The following GIGYF2 variants were observed in gnomAD, a reference collection of about 807,000 sequenced individuals.
The protein encoded by GIGYF2 is GRB10 interacting GYF protein 2.
GIGYF2 carries 25 observed loss-of-function variants against 208.1 expected under a neutral mutation model. That is an observed-to-expected ratio of 0.12 (90% CI 0.09 to 0.17). GIGYF2 has a LOEUF of 0.17. Among genes scored for constraint, GIGYF2 ranks in the 10% least tolerant of loss-of-function variants. The pLI is 1.00. For synonymous variants in GIGYF2, 534 were observed against 543.8 expected, an observed-to-expected ratio of 0.98 and a Z score of 0.25; for missense variants, 1,302 against 1,579.4, an observed-to-expected ratio of 0.82 and a Z score of 2.98.
chr2:232,791,686 T>G (rs1485909263), intron 12 of GIGYF2, among the ~76,000 whole-genome samples: 1 of 152,176 alleles, frequency 6.6e-6, no homozygotes, highest in Non-Finnish European at 1.5e-5. Context: ...TGTCCTAAGG[T>G]GTTATGACAT....
intron 2 of GIGYF2, among the ~76,000 whole-genome samples, chr2:232,717,990 TC>T (rs1696766622): frequency 5.3e-5 from 8 of 152,070 alleles, no homozygotes; most frequent in Non-Finnish European, 8.8e-5. Context: ...ATAAAAGGAA[TC>T]ATACAGTATA....
At position 232,839,767 on chromosome 2, in the gene GIGYF2, TG is replaced by T. The variant is rs1701760647; in HGVS notation, c.2767-79del. The T allele has an allele frequency of 1.2e-5, 16 of 1,357,782 alleles. 1 individual carries two copies. In the South Asian group the frequency reaches 1.8e-4, roughly 15 times the overall value. The allele number at this position is 1,357,782 out of a possible 1,614,324, so 84.1% of individuals were successfully genotyped here. A position where few individuals can be genotyped will look rare whatever the true frequency, so the allele number is the denominator to read the frequency against. ...GGAGTTGAGAGAAATGCATTTGTTC[TG>T]GGTATACATAATGCATTATTGCTTC... On this transcript the variant is annotated intron_variant, in intron 22 of 28. Transcript: ENST00000373563.
intron 14 of GIGYF2, among the ~76,000 whole-genome samples, chr2:232,801,571 C>T (rs978310545): frequency 1.8e-4 from 27 of 152,144 alleles, no homozygotes; most frequent in African/African-American, 4.3e-4. Flanking sequence ...TTTTTAAATA[C>T]GCATACATAT....
chr2:232,787,508 T>C (rs1424219516), intron 9 of GIGYF2, among the ~76,000 whole-genome samples, 179 bp downstream of exon 9: 1 of 151,942 alleles, frequency 6.6e-6, no homozygotes, highest in Non-Finnish European at 1.5e-5. Flanking sequence ...CCTACATCTA[T>C]TCAGTTGATT....
At chr2:232,848,218 A>G (rs1702082535) in intron 27 of GIGYF2, among the ~76,000 whole-genome samples, 1 of 152,212 alleles carries the variant, frequency 6.6e-6, no homozygotes, top group Non-Finnish European at 1.5e-5. Context: ...TGAACTCACA[A>G]CTAATAGCAC....
intron 15 of GIGYF2, among the ~76,000 whole-genome samples, chr2:232,807,426 G>A (rs1211913786): frequency 1.3e-5 from 2 of 152,232 alleles, no homozygotes; most frequent in Admixed American, 6.5e-5. Context: ...CAGTGGCAGA[G>A]ATGGGATGAT....
chr2:232,833,011 T>C lies in GIGYF2; in HGVS notation c.2684T>C (p.Leu895Ser). ...CTGGAGGTCCAGCGGCAGAAGGAGT[T>C]AATGCGCCAGAGGCAGCAGCAGCAA... Reference protein sequence around the residue: ...KELEVQRQKELMRQRQQQQEA... With the variant: ...KELEVQRQKESMRQRQQQQEA... The change falls in exon 22 of 29, where the codon TTA becomes TCA. Residue 895 changes from leucine to serine, a missense_variant. Leu to Ser is a moderately radical substitution (Grantham distance 145). This residue lies in a region of GIGYF2 where 701 missense variants were observed against 793.0 expected (regional missense o/e 0.88). Coordinates refer to ENST00000373563, the MANE Select transcript of GIGYF2 (RefSeq NM_001103146.3). 6.4e-7 allele frequency: 1 copy of C among 1,570,660 alleles called. No homozygotes were observed. The highest frequency in any genetic ancestry group is 8.6e-7 in the Non-Finnish European group (1 of 1,157,654).
chr2:232,729,984 A>G, intron 2 of GIGYF2: 3 of 728,056 alleles, frequency 4.1e-6, no homozygotes, highest in Non-Finnish European at 7.6e-6. Flanking sequence ...AGCCTTCTTC[A>G]CTCCTGGAAG....
chr2:232,720,586 T>A (rs1374910389), intron 2 of GIGYF2, among the ~76,000 whole-genome samples: 2 of 148,384 alleles, frequency 1.3e-5, no homozygotes, highest in African/African-American at 5.0e-5. Flanking sequence ...TATATATATT[T>A]TTGTTTGTTT....
intron 2 of GIGYF2, among the ~76,000 whole-genome samples, chr2:232,714,930 A>G (rs567001862): frequency 2.0e-5 from 3 of 150,158 alleles, no homozygotes; most frequent in South Asian, 4.2e-4. Flanking sequence ...CCCTTCTCCC[A>G]CTCTCCACCC....
At chr2:232,723,726 C>CT (rs1559383695) in intron 2 of GIGYF2, among the ~76,000 whole-genome samples, 28 of 95,626 alleles carry the variant, frequency 2.9e-4, no homozygotes, top group East Asian at 2.4e-3. Flanking sequence ...CTGTGCCCGG[C>CT]CTTTTTTTTT....
At chr2:232,853,333 A>G (rs1222865707) in intron 28 of GIGYF2, among the ~76,000 whole-genome samples, 3 of 152,178 alleles carry the variant, frequency 2.0e-5, no homozygotes, top group Non-Finnish European at 4.4e-5. Context: ...AATATTCTCC[A>G]GTATCTCCTA....
Position 232,797,623 on chromosome 2 carries a change from G to A in GIGYF2, c.1639+1402G>A, listed in dbSNP as rs367853310. Among the ~76,000 whole-genome samples, 24 of 151,984 alleles carry A rather than the reference G, an allele frequency of 1.6e-4. No homozygotes were observed. In the East Asian group the frequency reaches 3.3e-3, roughly 21 times the overall value. ...TATACCCTTTATACAGCTTCCCCTG[G>A]TGGTAACCTCTTGCAGAACTATAGT... On this transcript the variant is annotated intron_variant, in intron 14 of 28. Coordinates refer to ENST00000373563, the MANE Select transcript of GIGYF2 (RefSeq NM_001103146.3).
intron 2 of GIGYF2, among the ~76,000 whole-genome samples, chr2:232,723,568 T>C (rs1356430785): frequency 6.8e-6 from 1 of 146,392 alleles, no homozygotes; most frequent in Non-Finnish European, 1.5e-5. Context: ...TAGCTGGGAG[T>C]ACAGGTGCAC....
At chr2:232,767,695 A>G in intron 8 of GIGYF2, 1 of 166,076 alleles carries the variant, frequency 6.0e-6, no homozygotes, top group South Asian at 1.6e-4. Context: ...TTCATAGTAT[A>G]AAGAACCAAA....
rs1167242153 is a variant in GIGYF2 at position 232,819,821 on chromosome 2, C to T, written c.2371-6C>T. 2 of 839,558 alleles carry T rather than the reference C, an allele frequency of 2.4e-6. No homozygotes were observed. The highest frequency in any genetic ancestry group is 1.4e-4 in the East Asian group (2 of 14,576). The allele number at this position is 839,558 out of a possible 1,614,324, so 52.0% of individuals were successfully genotyped here. The stretch of plus-strand genomic sequence containing the variant: ...CCACCCCCCACCCTCCATCTTTTTT[C>T]CTTAGGAAGAGGCTCTGCGTCGCCA... On this transcript the variant is annotated splice_polypyrimidine_tract_variant and splice_region_variant and intron_variant, in intron 20 of 28. Transcript: ENST00000373563.
intron 4 of GIGYF2, 63 bp downstream of exon 4, chr2:232,747,807 A>G (rs1487409681): frequency 1.4e-6 from 2 of 1,444,512 alleles, no homozygotes; most frequent in Non-Finnish European, 1.9e-6. Flanking sequence ...ACCATGATGT[A>G]CTGATACATG....
At chr2:232,702,117 A>G (rs547250642) in intron 1 of GIGYF2, among the ~76,000 whole-genome samples, 1 of 152,138 alleles carries the variant, frequency 6.6e-6, no homozygotes, top group African/African-American at 2.4e-5. Flanking sequence ...ACTACACTCC[A>G]GCTGAGGGAA....
At chr2:232,722,987 T>G (rs921127672) in intron 2 of GIGYF2, among the ~76,000 whole-genome samples, 2 of 152,152 alleles carry the variant, frequency 1.3e-5, no homozygotes, top group African/African-American at 4.8e-5. Flanking sequence ...TTAAAATTAT[T>G]TTTTATGTAA....
Sources: allele counts gnomAD v4.1 joint callset (sites outside exome capture counted in the v4.1 genomes callset), GRCh38; gene constraint gnomAD v4.1.1; regional missense constraint gnomAD v4.1.1; transcripts MANE v1.5; gene names NCBI Gene and HGNC (gene_info 2026-07-23, HGNC 2026-07-21).